HSD17B11: variants seen among roughly 807,000 people sequenced by gnomAD.
HSD17B11 encodes hydroxysteroid 17-beta dehydrogenase 11, also known as estradiol 17-beta-dehydrogenase 11.
Under a neutral mutation model 27.8 loss-of-function variants are expected in HSD17B11, and 22 were observed. The ratio of observed to expected loss-of-function variants is 0.79; its 90% confidence interval spans 0.56 to 1.13. The LOEUF (loss-of-function observed/expected upper bound fraction) is 1.13, where lower values mean the gene tolerates loss of function less well. Ranked by LOEUF, HSD17B11 falls within the 50% of genes most tolerant of loss-of-function variation. HSD17B11 has a pLI of 0.00. For synonymous variants in HSD17B11, 117 were observed against 132.8 expected (o/e 0.88, Z 0.82); for missense variants, 314 against 351.1 (o/e 0.89, Z 0.84).
rs147158517 is a variant in HSD17B11, at chr4:87,390,934, T to C, written c.137A>G (p.His46Arg). 3 of 1,614,038 alleles carry C rather than the reference T, an allele frequency of 1.9e-6. No homozygotes were observed. The African/African-American group carries it at 4.0e-5, about 22-fold the overall frequency. Residue 46 changes from histidine (H) to arginine (R), a missense_variant, in exon 1 of 7, where the codon CAT becomes CGT. His to Arg is a conservative substitution (Grantham distance 29). Coordinates refer to ENST00000358290, the MANE Select transcript of HSD17B11 (RefSeq NM_016245.5). ...ATAGGCAGTCAGTCTCCCAATTCCA[T>C]GCCCAGCTCCTGTAATCAGCACGAT... ...GEIVLITGAG[H>R]GIGRLTAYEF...
intron 2 of HSD17B11, among the ~76,000 whole-genome samples, chr4:87,375,966 GT>G (rs1261598347): frequency 2.6e-5 from 4 of 152,170 alleles, no homozygotes; most frequent in African/African-American, 9.7e-5. Flanking sequence ...CCTTGACCAA[GT>G]TACTTAACCT....
chr4:87,365,775 A>C (rs1422101959), intron 4 of HSD17B11, among the ~76,000 whole-genome samples: 2 of 152,012 alleles, frequency 1.3e-5, no homozygotes, highest in African/African-American at 4.8e-5. Context: ...AAGAAGAAGC[A>C]TGGGAATGCG....
At chr4:87,382,160 C>T in intron 2 of HSD17B11, 95 bp downstream of exon 2, 2 of 868,258 alleles carry the variant, frequency 2.3e-6, no homozygotes, top group Non-Finnish European at 1.9e-6. Context: ...CAACATTTCT[C>T]AGGTACTTCA....
intron 5 of HSD17B11, among the ~76,000 whole-genome samples, chr4:87,341,749 C>T (rs1304705023): frequency 1.3e-5 from 2 of 152,042 alleles, no homozygotes; most frequent in Non-Finnish European, 2.9e-5. Flanking sequence ...TCTTGTAGTG[C>T]TAGCTACTCA....
rs1720046992 is a variant in HSD17B11, at chr4:87,378,946, ATTTATATATATATATTTT to A, written c.318+3291_318+3308del. 2.0e-3 allele frequency among the ~76,000 whole-genome samples: 46 copies of A among 23,382 alleles called. 6 individuals carry two copies. Among genetic ancestry groups the A allele is most frequent in the African/African-American group, 6.7e-3 (36 of 5,408 alleles). 15.3% of individuals were successfully genotyped at this position (23,382 alleles called of 152,430 possible). ...TATATATAAATATATATATATATATATTTATATATATATATTTTTTTTTTTTTTTGAGATGGTGTCTTG... is the reference window on the plus strand; with the variant it reads ...TATATATAAATATATATATATATATATTTTTTTTTTTGAGATGGTGTCTTG... On this transcript the variant is annotated intron_variant, in intron 2 of 6. Transcript: ENST00000358290.
At chr4:87,368,777 C>T (rs1047605678) in intron 4 of HSD17B11, among the ~76,000 whole-genome samples, 2 of 152,296 alleles carry the variant, frequency 1.3e-5, no homozygotes, top group Non-Finnish European at 1.5e-5. Flanking sequence ...GACCTCTGGT[C>T]GTCCTCACTG....
chr4:87,376,522 A>C (rs1303649371), intron 2 of HSD17B11, among the ~76,000 whole-genome samples: 1 of 141,952 alleles, frequency 7.0e-6, no homozygotes, highest in Admixed American at 7.1e-5. Flanking sequence ...AAAAAAAAAA[A>C]CCCAAAAAAC....
intron 2 of HSD17B11, among the ~76,000 whole-genome samples, chr4:87,375,298 T>TAC (rs1735798338): frequency 6.6e-6 from 1 of 152,214 alleles, no homozygotes; most frequent in African/African-American, 2.4e-5. Context: ...TTTATGCACT[T>TAC]ATGTCCAAAA....
intron 2 of HSD17B11, 64 bp from the exon 3 acceptor site, chr4:87,374,894 T>G: frequency 1.6e-6 from 2 of 1,253,380 alleles, no homozygotes; most frequent in Non-Finnish European, 2.2e-6. Flanking sequence ...TTATACACAA[T>G]GGCTATTTTT....
chr4:87,352,984 C>G (rs1336358712), intron 5 of HSD17B11, among the ~76,000 whole-genome samples: 1 of 104,062 alleles, frequency 9.6e-6, no homozygotes, highest in Admixed American at 9.5e-5. Flanking sequence ...TCGGCTCGCG[C>G]ACGGTGCGCA....
intron 2 of HSD17B11, among the ~76,000 whole-genome samples, chr4:87,375,568 CCT>C (rs1735805002): frequency 6.6e-6 from 1 of 152,134 alleles, no homozygotes; most frequent in African/African-American, 2.4e-5. Flanking sequence ...ATGGAGAAAC[CCT>C]GTCTCTACTA....
chr4:87,372,585 CAAT>C (rs2110125122), intron 4 of HSD17B11, 121 bp downstream of exon 4: 1 of 627,044 alleles, frequency 1.6e-6, no homozygotes, highest in Non-Finnish European at 2.8e-6. Context: ...TGACAACTCT[CAAT>C]AATAAACTGG....
chr4:87,391,138 G>T lies in HSD17B11; in HGVS notation c.-68C>A. 8.1e-7 allele frequency: 1 copy of T among 1,229,304 alleles called. No homozygotes were observed. Among genetic ancestry groups the T allele is most frequent in the South Asian group, 1.4e-5 (1 of 72,988 alleles). The allele number at this position is 1,229,304 out of a possible 1,614,324, so 76.1% of individuals were successfully genotyped here. ...TTACCACTCTAAACTGCTTTTAGAG[G>T]GTAGCTCGATCTAACACCAGAAAGA... On this transcript the variant is annotated 5_prime_UTR_variant, in exon 1 of 7. Transcript: ENST00000358290.
chr4:87,373,755 A>G (rs1735766837), intron 3 of HSD17B11, among the ~76,000 whole-genome samples: 1 of 152,158 alleles, frequency 6.6e-6, no homozygotes, highest in African/African-American at 2.4e-5. Flanking sequence ...GAACAAACAC[A>G]AAACATAAAG....
rs58297196 is a variant in HSD17B11, at chr4:87,391,099, G to GTT, written c.-31_-30dup. The GTT allele has an allele frequency of 7.0e-3, 8,971 of 1,283,918 alleles. 206 individuals are homozygous for GTT. In the African/African-American group the frequency reaches 0.086, roughly 12 times the overall value. 79.5% of individuals were successfully genotyped at this position (1,283,918 alleles called of 1,614,324 possible). A position where few individuals can be genotyped will look rare whatever the true frequency, so the allele number is the denominator to read the frequency against. On this transcript the variant is annotated 5_prime_UTR_variant, in exon 1 of 7. Coordinates refer to ENST00000358290, the MANE Select transcript of HSD17B11 (RefSeq NM_016245.5). ...TTTTGTGGCTGCGAGCGTTTGGTGT[G>GTT]TTTTTTTTTTTTTTTACCACTCTAA...
At chr4:87,363,766 C>T (rs543314311) in intron 4 of HSD17B11, among the ~76,000 whole-genome samples, 12 of 152,340 alleles carry the variant, frequency 7.9e-5, no homozygotes, top group South Asian at 6.2e-4. Flanking sequence ...AGCTCAGTAG[C>T]TAAGGTTTTG....
chr4:87,357,948 A>ATTTTTTT (rs748955521), intron 4 of HSD17B11, among the ~76,000 whole-genome samples: 1,493 of 97,148 alleles, frequency 0.015, 76 homozygotes, highest in East Asian at 0.072. Context: ...TCATTAGAGA[A>ATTTTTTT]ATTTTTTTTT....
chr4:87,390,429 T>C (rs1020441418), intron 1 of HSD17B11, among the ~76,000 whole-genome samples: 1 of 152,254 alleles, frequency 6.6e-6, no homozygotes, highest in African/African-American at 2.4e-5. Flanking sequence ...GTGCTGGGAT[T>C]ACAGGCGTGA....
At chr4:87,340,676 A>G (rs7679024) in intron 5 of HSD17B11, 70 bp from the exon 6 acceptor site, 2 of 989,612 alleles carry the variant, frequency 2.0e-6, no homozygotes, top group African/African-American at 1.6e-5. Context: ...GGTGCTAACC[A>G]ACAGCTTTAG....
Sources: gnomAD v4.1 joint callset for allele counts (sites outside exome capture counted in the v4.1 genomes callset) on GRCh38, gnomAD v4.1.1 for gene constraint, MANE v1.5 for transcripts, NCBI Gene and HGNC (gene_info 2026-07-23, HGNC 2026-07-21) for gene names.